Variants in CATSPERE observed in about 807,000 individuals in gnomAD.
CATSPERE encodes the protein cation channel sperm-associated auxiliary subunit epsilon.
Under a neutral mutation model 114.1 loss-of-function variants are expected in CATSPERE, and 93 were observed. The observed-to-expected ratio is 0.81, with a 90% CI of 0.69 to 0.97. The LOEUF (loss-of-function observed/expected upper bound fraction) is 0.97. CATSPERE is among the 50% of genes least tolerant of loss of function. CATSPERE has a pLI of 0.00. For synonymous variants in CATSPERE, 341 were observed against 384.1 expected, an observed-to-expected ratio of 0.89 and a Z score of 1.31; for missense variants, 1,058 against 1,131.6, an observed-to-expected ratio of 0.93 and a Z score of 0.93.
chr1:244,489,189 C>G (rs1671547007), intron 5 of CATSPERE, among the ~76,000 whole-genome samples: 1 of 152,114 alleles, frequency 6.6e-6, no homozygotes, highest in Admixed American at 6.6e-5. Flanking sequence ...GTCTCAAACT[C>G]CTGGGCTCAA....
chr1:244,526,080 C>G (rs1405919720), intron 8 of CATSPERE, among the ~76,000 whole-genome samples: 5 of 152,140 alleles, frequency 3.3e-5, no homozygotes, highest in Non-Finnish European at 7.3e-5. Flanking sequence ...GAGTGGGTAG[C>G]CAACGTAGCA....
At chr1:244,540,832 A>T (rs1658557523) in intron 8 of CATSPERE, among the ~76,000 whole-genome samples, 1 of 75,988 alleles carries the variant, frequency 1.3e-5, no homozygotes, top group African/African-American at 3.8e-5. Flanking sequence ...AACATAACAG[A>T]GCCCTCAGAA....
intron 5 of CATSPERE, among the ~76,000 whole-genome samples, chr1:244,483,012 T>C (rs1572320794): frequency 1.3e-5 from 2 of 152,354 alleles, no homozygotes; most frequent in South Asian, 4.1e-4. Context: ...TAAATAAGAA[T>C]CTTTAGTTCC....
chr1:244,576,748 T>C (rs1274924059), intron 11 of CATSPERE, among the ~76,000 whole-genome samples: 1 of 152,170 alleles, frequency 6.6e-6, no homozygotes, highest in Non-Finnish European at 1.5e-5. Context: ...CCACCTTCCA[T>C]TTCTAGGCTC....
chr1:244,514,251 T>C lies in CATSPERE; in HGVS notation c.430-4341T>C, dbSNP rs3003287. Among the ~76,000 whole-genome samples the C allele has an allele frequency of 7.3e-3, 1,107 of 152,330 alleles. 14 individuals are homozygous for C. The highest frequency in any genetic ancestry group is 0.025 in the African/African-American group (1,027 of 41,580). ...CATTTCAGGAATTAACTATTGATAA[T>C]GCCCAACAACTTGGATGGATGCTGA... is the stretch of plus-strand genomic sequence containing the variant. On this transcript the variant is annotated intron_variant, in intron 7 of 21. Coordinates refer to ENST00000366534, the MANE Select transcript of CATSPERE (RefSeq NM_001130957.2).
At chr1:244,479,007 G>T (rs1426143418) in intron 4 of CATSPERE, among the ~76,000 whole-genome samples, 1 of 106,698 alleles carries the variant, frequency 9.4e-6, no homozygotes, top group African/African-American at 3.9e-5. Flanking sequence ...CAGCCTGGGG[G>T]ACAAGAGCCA....
At chr1:244,544,321 C>G (rs1011459944) in intron 8 of CATSPERE, among the ~76,000 whole-genome samples, 2 of 152,182 alleles carry the variant, frequency 1.3e-5, no homozygotes, top group Non-Finnish European at 2.9e-5. Context: ...TGAACTGACA[C>G]TGATTCCAGG....
intron 2 of CATSPERE, among the ~76,000 whole-genome samples, chr1:244,475,541 T>C (rs1669191520): frequency 1.4e-5 from 2 of 141,600 alleles, no homozygotes; most frequent in South Asian, 4.6e-4. Context: ...GCCACAATTT[T>C]TTTTTTTTTT....
At chr1:244,517,186 T>G (rs555560007) in intron 7 of CATSPERE, among the ~76,000 whole-genome samples, 3 of 152,162 alleles carry the variant, frequency 2.0e-5, no homozygotes, top group African/African-American at 7.2e-5. Context: ...TTATCTTTAA[T>G]GACCATGAAT....
At chr1:244,565,481 G>T (rs1663303365) in intron 10 of CATSPERE, among the ~76,000 whole-genome samples, 1 of 152,112 alleles carries the variant, frequency 6.6e-6, no homozygotes, top group African/African-American at 2.4e-5. Context: ...TTTTGGGAGG[G>T]TGTATGTGTC....
At chr1:244,554,720 A>AT (rs34613429) in intron 9 of CATSPERE, among the ~76,000 whole-genome samples, 150,698 of 151,806 alleles carry the variant, frequency 0.99, 74,810 homozygotes, top group Middle Eastern at 1. Context: ...TTTAAATGGG[A>AT]TTTTTTTTAA....
At chr1:244,529,971 G>A (rs543491682) in intron 8 of CATSPERE, among the ~76,000 whole-genome samples, 2 of 152,070 alleles carry the variant, frequency 1.3e-5, no homozygotes, top group East Asian at 3.9e-4. Context: ...TTTGAGACAA[G>A]AGTTTCACTC....
At chr1:244,451,893 G>T, upstream of CATSPERE, 1 of 1,373,698 alleles carries the variant, frequency 7.3e-7, no homozygotes, top group Non-Finnish European at 9.5e-7. The surrounding 1 kb of genome is among the most constrained non-coding windows in gnomAD (Gnocchi z 6.6). Flanking sequence ...CTCTGCGGCC[G>T]CCAGCCACAT....
Position 244,607,469 on chromosome 1 carries a change from C to G in CATSPERE, c.2403+1675C>G, listed in dbSNP as rs1670153437. 6.6e-6 allele frequency among the ~76,000 whole-genome samples: 1 copy of G among 152,182 alleles called. No homozygotes were observed. ...GGATTCCTGAATTCTGCCATCCATCCTATGAGGGTATTGCTGGGAAAGTTT... is the reference window on the plus strand; with the variant it reads ...GGATTCCTGAATTCTGCCATCCATCGTATGAGGGTATTGCTGGGAAAGTTT... On this transcript the variant is annotated intron_variant, in intron 18 of 21. Transcript: ENST00000366534. This position sits in a 1 kb window ranked among gnomAD's most constrained non-coding sequence, Gnocchi z 4.4.
intron 15 of CATSPERE, 59 bp from the exon 16 acceptor site, chr1:244,593,336 G>A: frequency 6.4e-7 from 1 of 1,560,828 alleles, no homozygotes; most frequent in Non-Finnish European, 8.8e-7. Context: ...CAAAGTCATG[G>A]GTTTAGTTTT....
intron 7 of CATSPERE, chr1:244,515,257 C>T (rs1477553740): frequency 1.3e-5 from 11 of 849,768 alleles, no homozygotes; most frequent in Non-Finnish European, 1.6e-5. Context: ...GACTTTGTAA[C>T]TGTTGTTCCT....
At chr1:244,452,883 A>G (rs1328548759), upstream of CATSPERE, among the ~76,000 whole-genome samples, 5 of 152,188 alleles carry the variant, frequency 3.3e-5, no homozygotes, top group Admixed American at 6.5e-5. Context: ...TTCGACACCA[A>G]CACAAATTAA....
intron 8 of CATSPERE, among the ~76,000 whole-genome samples, chr1:244,531,900 A>G (rs964104239): frequency 6.6e-6 from 1 of 152,132 alleles, no homozygotes; most frequent in Non-Finnish European, 1.5e-5. Context: ...TTTGAGTCAG[A>G]TTGGTATTAG....
intron 20 of CATSPERE, among the ~76,000 whole-genome samples, chr1:244,621,202 GATATATTTATAT>G (rs1451771113): frequency 2.3e-4 from 2 of 8,724 alleles, no homozygotes; most frequent in African/African-American, 6.1e-4. Flanking sequence ...TATTTATATA[GATATATTTATAT>G]ATATATTTAT....
Sources: gnomAD v4.1 joint callset for allele counts (sites outside exome capture counted in the v4.1 genomes callset) on GRCh38, gnomAD v4.1.1 for gene constraint, Gnocchi (gnomAD v3.1) non-coding constraint, MANE v1.5 for transcripts, NCBI Gene and HGNC (gene_info 2026-07-23, HGNC 2026-07-21) for gene names.